COL5A2: variants seen among roughly 807,000 people sequenced by gnomAD.
COL5A2 encodes collagen type V alpha 2 chain, also known as collagen alpha-2(V) chain.
Under a neutral mutation model 208.2 loss-of-function variants are expected in COL5A2, and 23 were observed. That is an observed-to-expected ratio of 0.11 (90% CI 0.08 to 0.16). The LOEUF (loss-of-function observed/expected upper bound fraction) is 0.16, where lower values mean the gene tolerates loss of function less well. COL5A2 is among the 10% of genes least tolerant of loss of function. The probability of loss-of-function intolerance (pLI) is 1.00; values close to 1 mark genes in which losing one functional copy is unlikely to be tolerated. For missense variants in COL5A2, 1,590 were observed against 1,956.4 expected (o/e 0.81, Z 3.53); for synonymous variants, 625 against 628.5 (o/e 0.99, Z 0.08).
rs575971229 is a variant in COL5A2, at chr2:189,198,970, G to A, written c.-42+26178C>T. 7.2e-5 allele frequency among the ~76,000 whole-genome samples: 11 copies of A among 151,914 alleles called. No homozygotes were observed. The South Asian group carries it at 2.1e-3, about 29-fold the overall frequency. ...AACCACTTTATATATTCACTCATTC[G>A]ACCATGCTAACATTTCCTTCCCTAA... On this transcript the variant is annotated intron_variant, in intron 1 of 10. Transcript: ENST00000649966.
the COL5A2 span, among the ~76,000 whole-genome samples, chr2:189,286,062 A>G: frequency 6.6e-6 from 1 of 152,096 alleles, no homozygotes; most frequent in African/African-American, 2.4e-5. Context: ...TGGGTGGCCT[A>G]AGGGTACCTC....
the COL5A2 span, among the ~76,000 whole-genome samples, chr2:189,329,919 T>A: frequency 5.3e-5 from 8 of 152,106 alleles, no homozygotes; most frequent in South Asian, 2.1e-4. Flanking sequence ...GTTTTTTTTT[T>A]AATTTATGAG....
At chr2:189,342,533 A>G in the COL5A2 span, among the ~76,000 whole-genome samples, 20 of 113,474 alleles carry the variant, frequency 1.8e-4, no homozygotes, top group Admixed American at 5.2e-4. Context: ...CCAAAAAAGT[A>G]CAAATAGCAA....
rs775078923 is a variant in COL5A2, at chr2:189,068,814, G to A, written c.1229C>T (p.Pro410Leu). 1.1e-5 allele frequency: 18 copies of A among 1,612,468 alleles called. No homozygotes were observed. Among genetic ancestry groups the A allele is most frequent in the African/African-American group, 2.7e-5 (2 of 74,986 alleles). Residue 410 changes from proline (P) to leucine (L), a missense_variant, in exon 19 of 54, where the codon CCA (proline) becomes CTA (leucine). Physicochemically the swap from Pro to Leu is moderately conservative, Grantham distance 98. Coordinates refer to ENST00000374866, the MANE Select transcript of COL5A2 (RefSeq NM_000393.5). ...AAGACCTGGAGAGCCAACTGGACCT[G>A]GGGGCCCAGTTTCACCTCTCTGCCC... is the stretch of plus-strand genomic sequence containing the variant. ...PQGQRGETGPPGPVGSPGLPG... is the reference protein window; with the variant it reads ...PQGQRGETGPLGPVGSPGLPG...
intron 1 of COL5A2, among the ~76,000 whole-genome samples, chr2:189,130,647 G>A (rs1247345168): frequency 6.6e-6 from 1 of 151,426 alleles, no homozygotes; most frequent in African/African-American, 2.4e-5. Flanking sequence ...TAGCCACCTT[G>A]GCTCTGAAAA....
chr2:189,080,504 T>G (rs549900765), intron 13 of COL5A2, among the ~76,000 whole-genome samples: 1 of 148,376 alleles, frequency 6.7e-6, no homozygotes, highest in Non-Finnish European at 1.5e-5. Context: ...GATAGTTAGA[T>G]AGATGATAGA....
chr2:189,240,758 C>T, the COL5A2 span, among the ~76,000 whole-genome samples: 7 of 152,094 alleles, frequency 4.6e-5, 1 homozygote, highest in Admixed American at 3.9e-4. Context: ...CAAACCTTTA[C>T]ATGTTATTTT....
rs556505677 is a variant in COL5A2 at position 189,082,310 on chromosome 2, A to T, written c.853-1267T>A. 1.3e-3 allele frequency among the ~76,000 whole-genome samples: 204 copies of T among 152,318 alleles called. 2 individuals are homozygous for T. The Middle Eastern group carries it at 0.017, about 13-fold the overall frequency. ...GTCTGTGACCTCTTGAAAGAAAATTATTTCTTTAGTGTTTTAGAGGGTTAT... is the reference window on the plus strand; with the variant it reads ...GTCTGTGACCTCTTGAAAGAAAATTTTTTCTTTAGTGTTTTAGAGGGTTAT... On this transcript the variant is annotated intron_variant, in intron 12 of 53. Transcript: ENST00000374866.
upstream of COL5A2, among the ~76,000 whole-genome samples, chr2:189,184,211 T>C (rs893017128): frequency 1.3e-5 from 2 of 151,760 alleles, no homozygotes; most frequent in Admixed American, 6.6e-5. Flanking sequence ...GATGCTTCAA[T>C]AGTGCCATTG....
chr2:189,095,519 C>T (rs1686889740), intron 6 of COL5A2, among the ~76,000 whole-genome samples: 1 of 152,072 alleles, frequency 6.6e-6, no homozygotes, highest in South Asian at 2.1e-4. Context: ...CACACAAACA[C>T]ACACACACAA....
the COL5A2 span, among the ~76,000 whole-genome samples, chr2:189,257,697 C>T: frequency 6.6e-6 from 1 of 152,170 alleles, no homozygotes; most frequent in Non-Finnish European, 1.5e-5. Flanking sequence ...ACCCCCTTCC[C>T]TCAGAGTAAT....
intron 1 of COL5A2, among the ~76,000 whole-genome samples, chr2:189,205,366 G>A (rs1225085063): frequency 2.0e-5 from 3 of 152,184 alleles, no homozygotes; most frequent in Non-Finnish European, 4.4e-5. Flanking sequence ...CAGGGACCCA[G>A]TGCTGGTGAG....
At chr2:189,099,066 T>A in intron 4 of COL5A2, among the ~76,000 whole-genome samples, 1 of 152,176 alleles carries the variant, frequency 6.6e-6, no homozygotes, top group East Asian at 1.9e-4. Context: ...TCCTCTCTGT[T>A]CTTAAGGATC....
At chr2:189,101,332 A>G (rs930517765) in intron 3 of COL5A2, among the ~76,000 whole-genome samples, 1 of 152,030 alleles carries the variant, frequency 6.6e-6, no homozygotes, top group Non-Finnish European at 1.5e-5. Flanking sequence ...ATATTTTTTA[A>G]AAAACCCTAA....
intron 1 of COL5A2, among the ~76,000 whole-genome samples, chr2:189,126,687 A>G (rs1687613202): frequency 6.6e-6 from 1 of 152,140 alleles, no homozygotes; most frequent in Non-Finnish European, 1.5e-5. Flanking sequence ...ATAACAGCAT[A>G]ACAAAAATGG....
Position 189,057,421 on chromosome 2 carries a change from G to T in COL5A2, c.2236C>A (p.Pro746Thr). ...TCTCCAGGGGTCCCAGATGGACCTGGACTGCCCTAAAATGAACCAACATTA... is the reference window on the plus strand; with the variant it reads ...TCTCCAGGGGTCCCAGATGGACCTGTACTGCCCTAAAATGAACCAACATTA... Reference protein sequence around the residue: ...GHGPDGPKGSPGPSGTPGDTG... With the variant: ...GHGPDGPKGSTGPSGTPGDTG... Residue 746 changes from proline (P) to threonine (T), a missense_variant, in exon 34 of 54, where the codon CCA (proline) becomes ACA (threonine). Physicochemically the swap from Pro to Thr is conservative, Grantham distance 38. Coordinates refer to ENST00000374866, the MANE Select transcript of COL5A2 (RefSeq NM_000393.5). The T allele has an allele frequency of 6.2e-7, 1 of 1,610,948 alleles. No homozygotes were observed. Among genetic ancestry groups the T allele is most frequent in the Non-Finnish European group, 8.5e-7 (1 of 1,177,296 alleles).
intron 7 of COL5A2, 102 bp from the exon 8 acceptor site, chr2:189,088,874 A>T: frequency 2.1e-6 from 2 of 932,172 alleles, no homozygotes; most frequent in Non-Finnish European, 3.5e-6. Context: ...TTATAGAATG[A>T]CTCTTCTGAG....
intron 33 of COL5A2, among the ~76,000 whole-genome samples, chr2:189,058,096 T>C (rs574650771): frequency 6.6e-6 from 1 of 152,200 alleles, no homozygotes; most frequent in Non-Finnish European, 1.5e-5. Flanking sequence ...AGCCTCCTAA[T>C]AAATTATGTA....
chr2:189,201,385 A>G (rs1218021529), intron 1 of COL5A2, among the ~76,000 whole-genome samples: 1 of 152,056 alleles, frequency 6.6e-6, no homozygotes, highest in African/African-American at 2.4e-5. Context: ...AAATTCAAAA[A>G]TTGGAAGATA....
Sources: allele counts gnomAD v4.1 joint callset (sites outside exome capture counted in the v4.1 genomes callset), GRCh38; gene constraint gnomAD v4.1.1; transcripts MANE v1.5; gene names NCBI Gene and HGNC (gene_info 2026-07-23, HGNC 2026-07-21).